The following TANC1 variants were observed in gnomAD, a reference collection of about 807,000 sequenced individuals.
The protein encoded by TANC1 is tetratricopeptide repeat, ankyrin repeat and coiled-coil containing 1.
Under a neutral mutation model 149.7 loss-of-function variants are expected in TANC1, and 77 were observed. That is an observed-to-expected ratio of 0.51 (90% CI 0.43 to 0.62). The LOEUF (loss-of-function observed/expected upper bound fraction) is 0.62, where lower values mean the gene tolerates loss of function less well. Among genes scored for constraint, TANC1 ranks in the 20% least tolerant of loss-of-function variants. TANC1 has a pLI of 0.00. For synonymous variants in TANC1, 854 were observed against 925.0 expected, an observed-to-expected ratio of 0.92 and a Z score of 1.39; for missense variants, 1,985 against 2,321.8, an observed-to-expected ratio of 0.85 and a Z score of 2.98.
intron 2 of TANC1, among the ~76,000 whole-genome samples, chr2:159,052,946 A>G (rs1381726077): frequency 2.6e-5 from 4 of 152,200 alleles, no homozygotes; most frequent in Non-Finnish European, 5.9e-5. Flanking sequence ...CTGTGTTTCA[A>G]TATAATTAGT....
chr2:159,144,148 C>T (rs2150269150), intron 5 of TANC1, among the ~76,000 whole-genome samples: 1 of 151,840 alleles, frequency 6.6e-6, no homozygotes, highest in East Asian at 1.9e-4. Context: ...GTCCTCTAGA[C>T]TTAAGAGGAT....
At chr2:159,026,978 A>G (rs1574205588) in intron 2 of TANC1, 1 of 151,368 alleles carries the variant, frequency 6.6e-6, no homozygotes, top group Admixed American at 6.6e-5. Context: ...ACAAATGATC[A>G]CCTACCCACA....
At position 159,150,613 on chromosome 2, in the gene TANC1, C is replaced by CG; in HGVS notation, c.682+57_682+58insG. The CG allele has an allele frequency of 2.2e-6, 3 of 1,365,562 alleles. No individual in the cohort carries two copies. The South Asian group carries it at 3.7e-5, about 17-fold the overall frequency. 84.6% of individuals were successfully genotyped at this position (1,365,562 alleles called of 1,614,324 possible). A position where few individuals can be genotyped will look rare whatever the true frequency, so the allele number is the denominator to read the frequency against. ...CTCGAATCTCATCAACCAGAGCATT[C>CG]ACCAGGCACTTCCTCAGAGGGTTTT... On this transcript the variant is annotated intron_variant, in intron 7 of 26. Transcript: ENST00000263635.
chr2:159,085,104 G>C (rs566377398), intron 3 of TANC1, among the ~76,000 whole-genome samples: 1 of 152,300 alleles, frequency 6.6e-6, no homozygotes, highest in Non-Finnish European at 1.5e-5. Context: ...CTGTTCTCCT[G>C]CAACAAGTCA....
At chr2:159,047,702 A>C (rs1199520655) in intron 2 of TANC1, among the ~76,000 whole-genome samples, 1 of 152,142 alleles carries the variant, frequency 6.6e-6, no homozygotes, top group Non-Finnish European at 1.5e-5. Context: ...TTGATGTCTC[A>C]TGTTTCCCTA....
rs748293172 is a variant in TANC1 at position 159,229,572 on chromosome 2, A to G, written c.4152-6A>G. 6.2e-6 allele frequency: 10 copies of G among 1,607,614 alleles called. No homozygotes were observed. The highest frequency in any genetic ancestry group is 2.7e-5 in the African/African-American group (2 of 74,566). Reference sequence around the variant, plus strand: ...TTGTAATGTTACCTTACATTTTCCTACAAAGGCAATTCGTGGCAGCTCTGG... The same window carrying G: ...TTGTAATGTTACCTTACATTTTCCTGCAAAGGCAATTCGTGGCAGCTCTGG... On this transcript the variant is annotated splice_polypyrimidine_tract_variant and splice_region_variant and intron_variant, in intron 26 of 26. Coordinates refer to ENST00000263635, the MANE Select transcript of TANC1 (RefSeq NM_033394.3).
At chr2:159,174,863 C>A in intron 11 of TANC1, 90 bp from the exon 12 acceptor site, 1 of 968,612 alleles carries the variant, frequency 1.0e-6, no homozygotes, top group Non-Finnish European at 1.6e-6. Flanking sequence ...TTGTTACCAG[C>A]GAATGGGCAG....
At chr2:159,116,458 A>AC (rs1559289067) in intron 4 of TANC1, among the ~76,000 whole-genome samples, 44 of 148,808 alleles carry the variant, frequency 3.0e-4, no homozygotes, top group African/African-American at 8.5e-4. Context: ...CAACAACAAA[A>AC]AAAAAAAAAC....
At chr2:159,218,263 C>A (rs1181678790) in intron 20 of TANC1, among the ~76,000 whole-genome samples, 1 of 152,136 alleles carries the variant, frequency 6.6e-6, no homozygotes, top group African/African-American at 2.4e-5. Flanking sequence ...TTTTCTAGAC[C>A]AAAGTTTTGG....
intron 1 of TANC1, among the ~76,000 whole-genome samples, chr2:158,977,388 A>G (rs186876789): frequency 1.3e-5 from 2 of 152,072 alleles, no homozygotes; most frequent in East Asian, 1.9e-4. Flanking sequence ...TCAGCTCACC[A>G]TAGCCTCTGC....
rs865788243 is a variant in TANC1 at position 159,081,213 on chromosome 2, A to C, written c.61+15242A>C. ...ACAAGGAAGAAAATTGGCTATCTTTATAGTTGCACTGTCATAACCAAGTGT... is the reference window on the plus strand; with the variant it reads ...ACAAGGAAGAAAATTGGCTATCTTTCTAGTTGCACTGTCATAACCAAGTGT... On this transcript the variant is annotated intron_variant, in intron 3 of 26. Transcript: ENST00000263635. Among the ~76,000 whole-genome samples, 8 of 152,364 alleles carry C rather than the reference A, an allele frequency of 5.3e-5. No individual in the cohort carries two copies. In the Middle Eastern group the frequency reaches 0.014, roughly 259 times the overall value.
chr2:159,046,589 C>CTTTT (rs57208685), intron 2 of TANC1, among the ~76,000 whole-genome samples: 7 of 84,396 alleles, frequency 8.3e-5, no homozygotes, highest in Non-Finnish European at 1.3e-4. Flanking sequence ...CTTTTCTTTA[C>CTTTT]TTTTTTTTTT....
At chr2:159,026,256 T>A (rs574760763) in intron 2 of TANC1, among the ~76,000 whole-genome samples, 1 of 152,282 alleles carries the variant, frequency 6.6e-6, no homozygotes, top group East Asian at 1.9e-4. Flanking sequence ...TAGCTTCTAG[T>A]GTTTAGTTCA....
intron 12 of TANC1, among the ~76,000 whole-genome samples, chr2:159,175,589 T>C (rs1393663774): frequency 6.6e-6 from 1 of 152,208 alleles, no homozygotes; most frequent in Non-Finnish European, 1.5e-5. Context: ...CTCAGTTGAA[T>C]TGAAACCTTA....
At chr2:159,157,412 A>G (rs1345523674) in intron 7 of TANC1, among the ~76,000 whole-genome samples, 1 of 152,184 alleles carries the variant, frequency 6.6e-6, no homozygotes, top group African/African-American at 2.4e-5. Flanking sequence ...TTCATTGTGC[A>G]GGCTTTCCCT....
chr2:159,016,857 A>G (rs2038333740), intron 2 of TANC1, among the ~76,000 whole-genome samples: 1 of 152,172 alleles, frequency 6.6e-6, no homozygotes, highest in Non-Finnish European at 1.5e-5. Flanking sequence ...TACAGGTGTG[A>G]GCCACTGCAC....
chr2:159,094,621 C>A (rs1399847413), intron 3 of TANC1, among the ~76,000 whole-genome samples: 1 of 152,204 alleles, frequency 6.6e-6, no homozygotes, highest in Non-Finnish European at 1.5e-5. Flanking sequence ...TGGGAAAACT[C>A]GTGACCTGGC....
At position 159,091,042 on chromosome 2, in the gene TANC1, T is replaced by G. The variant is rs1239135688; in HGVS notation, c.62-6595T>G. ...GAACAGGGTGTTTTTTTGTTTTTTTTTTCTTCCCCTCTGTGGTGGCCCAGT... is the reference window on the plus strand; with the variant it reads ...GAACAGGGTGTTTTTTTGTTTTTTTGTTCTTCCCCTCTGTGGTGGCCCAGT... On this transcript the variant is annotated intron_variant, in intron 3 of 26. Coordinates refer to ENST00000263635, the MANE Select transcript of TANC1 (RefSeq NM_033394.3). Among the ~76,000 whole-genome samples, 11 of 152,166 alleles carry G rather than the reference T, an allele frequency of 7.2e-5. No individual in the cohort carries two copies. In the East Asian group the frequency reaches 2.1e-3, roughly 29 times the overall value.
intron 1 of TANC1, among the ~76,000 whole-genome samples, chr2:158,972,610 G>T (rs1270131303): frequency 6.6e-6 from 1 of 152,212 alleles, no homozygotes; most frequent in African/African-American, 2.4e-5. Flanking sequence ...GTGTTAAGCT[G>T]TAGGCTCTTT....
Sources: gnomAD v4.1 joint callset for allele counts (sites outside exome capture counted in the v4.1 genomes callset) on GRCh38, gnomAD v4.1.1 for gene constraint, MANE v1.5 for transcripts, NCBI Gene and HGNC (gene_info 2026-07-23, HGNC 2026-07-21) for gene names.